DACH1: variants seen among roughly 807,000 people sequenced by gnomAD.
DACH1 encodes dachshund family transcription factor 1.
Under a neutral mutation model 54.2 loss-of-function variants are expected in DACH1, and 12 were observed. The ratio of observed to expected loss-of-function variants is 0.22; its 90% CI spans 0.14 to 0.36. DACH1 has a LOEUF of 0.36. Among genes scored for constraint, DACH1 ranks in the 10% least tolerant of loss-of-function variants. The pLI is 1.00. For missense variants in DACH1, 805 were observed against 929.8 expected, an observed-to-expected ratio of 0.87 and a Z score of 1.75; for synonymous variants, 386 against 366.2, an observed-to-expected ratio of 1.05 and a Z score of -0.62.
chr13:71,636,661 A>G (rs918373271), intron 2 of DACH1, among the ~76,000 whole-genome samples: 1 of 151,720 alleles, frequency 6.6e-6, no homozygotes, highest in African/African-American at 2.4e-5. Flanking sequence ...ATAATAAGTC[A>G]TATATTGTGT....
intron 4 of DACH1, among the ~76,000 whole-genome samples, chr13:71,565,653 C>T (rs1394245978): frequency 6.6e-6 from 1 of 151,858 alleles, no homozygotes; most frequent in Non-Finnish European, 1.5e-5. Context: ...CTGAGGAAGC[C>T]CCAAATAATA....
chr13:71,768,612 A>T (rs1348570414), intron 1 of DACH1, among the ~76,000 whole-genome samples: 1 of 151,980 alleles, frequency 6.6e-6, no homozygotes, highest in Non-Finnish European at 1.5e-5. Context: ...CATGGATGAC[A>T]TATTTTTTCT....
At chr13:71,736,690 A>G (rs1884137843) in intron 1 of DACH1, among the ~76,000 whole-genome samples, 1 of 152,218 alleles carries the variant, frequency 6.6e-6, no homozygotes, top group Admixed American at 6.5e-5. Flanking sequence ...TTAACCCAGA[A>G]GTATAAAAAC....
intron 2 of DACH1, among the ~76,000 whole-genome samples, chr13:71,641,089 T>C (rs556862753): frequency 1.5e-3 from 225 of 152,138 alleles, no homozygotes; most frequent in Non-Finnish European, 2.6e-3. Context: ...GTGGCTATTT[T>C]TACATGTAAG....
intron 3 of DACH1, among the ~76,000 whole-genome samples, chr13:71,589,578 A>C (rs1434356840): frequency 6.6e-6 from 1 of 151,946 alleles, no homozygotes; most frequent in Non-Finnish European, 1.5e-5. Context: ...GAGTGAAGCT[A>C]ATCAGTATTA....
intron 2 of DACH1, among the ~76,000 whole-genome samples, chr13:71,666,001 CAT>C (rs1293347856): frequency 1.3e-5 from 2 of 152,000 alleles, no homozygotes; most frequent in Non-Finnish European, 2.9e-5. Flanking sequence ...ATGTTCCTAC[CAT>C]GTAGTAGTTA....
intron 1 of DACH1, among the ~76,000 whole-genome samples, chr13:71,844,856 G>A (rs1873117229): frequency 6.6e-6 from 1 of 152,002 alleles, no homozygotes; most frequent in African/African-American, 2.4e-5. Flanking sequence ...AGTTAAGACA[G>A]AAAAAGAAAG....
At chr13:71,671,998 T>C (rs1361131068) in intron 2 of DACH1, among the ~76,000 whole-genome samples, 3 of 152,138 alleles carry the variant, frequency 2.0e-5, no homozygotes, top group Non-Finnish European at 4.4e-5. Context: ...AACATCACCA[T>C]CATTTCCAAA....
chr13:71,473,499 T>C (rs908230400), intron 10 of DACH1, among the ~76,000 whole-genome samples: 4 of 152,206 alleles, frequency 2.6e-5, no homozygotes, highest in African/African-American at 4.8e-5. Flanking sequence ...ACTTTACCTA[T>C]ATTAAAATGT....
intron 5 of DACH1, among the ~76,000 whole-genome samples, chr13:71,559,028 A>AC (rs1884427745): frequency 6.6e-6 from 1 of 152,042 alleles, no homozygotes; most frequent in African/African-American, 2.4e-5. Flanking sequence ...GGGAATAAGC[A>AC]ATATATATAG....
At chr13:71,840,265 A>G (rs1888965193) in intron 1 of DACH1, among the ~76,000 whole-genome samples, 1 of 152,264 alleles carries the variant, frequency 6.6e-6, no homozygotes, top group Middle Eastern at 3.4e-3. Context: ...TTAATTATTT[A>G]AAACTGATTA....
chr13:71,778,657 C>T (rs1008922489), intron 1 of DACH1, among the ~76,000 whole-genome samples: 4 of 152,184 alleles, frequency 2.6e-5, no homozygotes, highest in Admixed American at 6.5e-5. Context: ...CAACTTTCCT[C>T]TGCTAACAAT....
chr13:71,709,713 T>A (rs1222443770), intron 1 of DACH1, among the ~76,000 whole-genome samples: 1 of 152,196 alleles, frequency 6.6e-6, no homozygotes, highest in South Asian at 2.1e-4. Context: ...ATTATAAGTA[T>A]GCACATATAG....
At chr13:71,602,236 T>C (rs1307789178) in intron 3 of DACH1, among the ~76,000 whole-genome samples, 1 of 152,058 alleles carries the variant, frequency 6.6e-6, no homozygotes, top group Non-Finnish European at 1.5e-5. Context: ...TATCCAAGCA[T>C]GCACAGTTCT....
At chr13:71,661,089 A>G (rs1879455808) in intron 2 of DACH1, among the ~76,000 whole-genome samples, 1 of 150,918 alleles carries the variant, frequency 6.6e-6, no homozygotes, top group Admixed American at 6.6e-5. Context: ...TATCTTTATA[A>G]GATTTTCCAT....
intron 6 of DACH1, among the ~76,000 whole-genome samples, chr13:71,530,599 T>C (rs1882350295): frequency 6.6e-6 from 1 of 152,138 alleles, no homozygotes; most frequent in African/African-American, 2.4e-5. Context: ...ACATGCCTAC[T>C]TGACTTGCCT....
At chr13:71,858,195 C>A (rs369320761) in intron 1 of DACH1, among the ~76,000 whole-genome samples, 81 of 151,666 alleles carry the variant, frequency 5.3e-4, no homozygotes, top group East Asian at 3.7e-3. Flanking sequence ...AGTACACTTT[C>A]TTTCTTAAGA....
chr13:71,738,692 A>ATTGCAC (rs1884245628), intron 1 of DACH1, among the ~76,000 whole-genome samples: 1 of 125,944 alleles, frequency 7.9e-6, no homozygotes, highest in Non-Finnish European at 1.6e-5. Context: ...AAATTGTGCC[A>ATTGCAC]TTGCACTCCA....
intron 2 of DACH1, among the ~76,000 whole-genome samples, chr13:71,674,893 T>C (rs769692329): frequency 2.0e-5 from 3 of 152,080 alleles, no homozygotes; most frequent in Non-Finnish European, 4.4e-5. Flanking sequence ...CAACAAAATG[T>C]CTAGTATCAA....
Sources: gnomAD v4.1 joint callset for allele counts (sites outside exome capture counted in the v4.1 genomes callset) on GRCh38, gnomAD v4.1.1 for gene constraint, MANE v1.5 for transcripts, NCBI Gene and HGNC (gene_info 2026-07-23, HGNC 2026-07-21) for gene names.